POLA1: variants seen among roughly 807,000 people sequenced by gnomAD.
The protein encoded by POLA1 is DNA polymerase alpha 1, catalytic subunit, also known as DNA polymerase alpha catalytic subunit.
Under a neutral mutation model 124.0 loss-of-function variants are expected in POLA1, and 15 were observed. That is an observed-to-expected ratio of 0.12 (90% CI 0.08 to 0.19). POLA1 has a LOEUF of 0.19. Among genes scored for constraint, POLA1 ranks in the 10% least tolerant of loss-of-function variants. The pLI is 1.00. For missense variants in POLA1, 886 were observed against 1,103.4 expected, an observed-to-expected ratio of 0.80 and a Z score of 2.79; for synonymous variants, 408 against 389.4, an observed-to-expected ratio of 1.05 and a Z score of -0.56.
intron 2 of POLA1, 42 bp from the exon 3 acceptor site, chrX:24,703,209 C>G: frequency 1.0e-6 from 1 of 962,096 alleles, no homozygotes; most frequent in Non-Finnish European, 1.5e-6. Flanking sequence ...CACTTTGACT[C>G]CTCTATTTGA....
At chrX:24,725,748 C>T (rs1400166906) in intron 12 of POLA1, among the ~76,000 whole-genome samples, 1 of 111,482 alleles carries the variant, frequency 9.0e-6, no homozygotes, top group Non-Finnish European at 1.9e-5. Context: ...TTTTATTGCC[C>T]CTCTTGCATG....
rs1171945349 is a variant in POLA1, at chrX:24,748,315, G to A, written c.2696G>A (p.Gly899Glu). ...AATTTGTTGTGTGTTTATCAGGATG[G>A]AGAACAAGAACAGATCCCTGAGTTG... ...ASEAQKVTED[G>E]EQEQIPELPD... The change falls in exon 25 of 37, where the codon GGA (glycine) becomes GAA (glutamate). Residue 899 changes from glycine (G) to glutamate (E), a missense_variant. Physicochemically the swap from Gly to Glu is moderately conservative, Grantham distance 98. This residue lies in a region of POLA1 where 182 missense variants were observed against 252.8 expected (regional missense o/e 0.72). Coordinates refer to ENST00000379068, the MANE Select transcript of POLA1 (RefSeq NM_001330360.2). 8.5e-7 allele frequency: 1 copy of A among 1,183,022 alleles called. No homozygotes were observed. The highest frequency in any genetic ancestry group is 3.0e-5 in the East Asian group (1 of 33,398).
chrX:24,763,807 G>A (rs747066418), intron 26 of POLA1, among the ~76,000 whole-genome samples: 14 of 111,691 alleles, frequency 1.3e-4, no homozygotes, highest in Non-Finnish European at 2.6e-4. Context: ...ACTTTAGTTG[G>A]TGCTGTTTGA....
chrX:24,935,508 A>G (rs1327169473), intron 36 of POLA1, among the ~76,000 whole-genome samples: 1 of 113,001 alleles, frequency 8.8e-6, no homozygotes, highest in Non-Finnish European at 1.9e-5. Context: ...TTTCTCACAA[A>G]GTGCTATGGG....
chrX:24,829,640 C>A (rs2046230960), intron 32 of POLA1, among the ~76,000 whole-genome samples: 1 of 112,135 alleles, frequency 8.9e-6, no homozygotes, highest in African/African-American at 3.2e-5. Context: ...AATTTCTTAT[C>A]TGCACCCTTT....
At chrX:24,796,191 C>T (rs1396849480) in intron 26 of POLA1, among the ~76,000 whole-genome samples, 3 of 111,202 alleles carry the variant, frequency 2.7e-5, no homozygotes, top group African/African-American at 9.8e-5. Flanking sequence ...TTGAGCCCAT[C>T]AACATGGCCT....
intron 36 of POLA1, among the ~76,000 whole-genome samples, chrX:24,951,067 A>G (rs1275337902): frequency 2.7e-5 from 3 of 111,431 alleles, no homozygotes; most frequent in African/African-American, 6.5e-5. Context: ...GGCTTCATCT[A>G]CATTTGGTCA....
At chrX:24,845,008 A>G (rs916973398) in intron 34 of POLA1, among the ~76,000 whole-genome samples, 15 of 111,984 alleles carry the variant, frequency 1.3e-4, no homozygotes, top group African/African-American at 4.5e-4. Flanking sequence ...TGTTAATACT[A>G]GAAGAAACTT....
intron 36 of POLA1, among the ~76,000 whole-genome samples, chrX:24,939,247 G>A (rs367835538): frequency 1.9e-4 from 21 of 112,019 alleles, no homozygotes; most frequent in East Asian, 1.7e-3. Flanking sequence ...AGATTGATAA[G>A]TTTTTTTATG....
At chrX:24,917,423 A>G (rs1010993682) in intron 35 of POLA1, among the ~76,000 whole-genome samples, 1 of 112,186 alleles carries the variant, frequency 8.9e-6, no homozygotes, top group Non-Finnish European at 1.9e-5. Flanking sequence ...GTGTGTTAAT[A>G]CCCTTTCTTT....
intron 26 of POLA1, among the ~76,000 whole-genome samples, chrX:24,775,677 A>T (rs1215498519): frequency 2.7e-5 from 3 of 111,886 alleles, no homozygotes; most frequent in African/African-American, 9.7e-5. Context: ...CAATAGGAGG[A>T]TTGTACATAG....
At chrX:24,983,282 C>T (rs768029123) in intron 36 of POLA1, among the ~76,000 whole-genome samples, 22 of 111,928 alleles carry the variant, frequency 2.0e-4, no homozygotes, top group Admixed American at 5.7e-4. Context: ...TCTATGGGTA[C>T]ATCGAATTGT....
At chrX:24,918,281 A>G (rs1381473966) in intron 35 of POLA1, among the ~76,000 whole-genome samples, 1 of 110,789 alleles carries the variant, frequency 9.0e-6, no homozygotes, top group Non-Finnish European at 1.9e-5. Flanking sequence ...TGTTATGTAT[A>G]TGAATCTATG....
intron 30 of POLA1, among the ~76,000 whole-genome samples, chrX:24,817,004 AAC>A (rs1460775466): frequency 1.8e-5 from 2 of 112,037 alleles, no homozygotes; most frequent in East Asian, 5.6e-4. Flanking sequence ...AATAATTATC[AAC>A]TTATAGTGAC....
chrX:24,749,797 A>G (rs1346315988), intron 26 of POLA1, among the ~76,000 whole-genome samples: 1 of 112,558 alleles, frequency 8.9e-6, no homozygotes, highest in Non-Finnish European at 1.9e-5. Flanking sequence ...GATGGGCCAG[A>G]TACCAAATAG....
chrX:24,989,569 G>A (rs999458351), intron 36 of POLA1, among the ~76,000 whole-genome samples: 5 of 110,916 alleles, frequency 4.5e-5, no homozygotes, highest in African/African-American at 6.6e-5. Flanking sequence ...ACAGGCATGC[G>A]CCACCATTCC....
At chrX:24,977,907 T>G (rs1569383874) in intron 36 of POLA1, among the ~76,000 whole-genome samples, 1 of 111,046 alleles carries the variant, frequency 9.0e-6, no homozygotes, top group African/African-American at 3.3e-5. Flanking sequence ...GGTGGGGGTT[T>G]GGGGTCTCTG....
chrX:24,962,788 T>C (rs1335109056), intron 36 of POLA1, among the ~76,000 whole-genome samples: 1 of 112,049 alleles, frequency 8.9e-6, no homozygotes, highest in Non-Finnish European at 1.9e-5. Flanking sequence ...TGTGGGCTGG[T>C]TATCTATTCA....
At chrX:24,710,105 G>A (rs1412871723) in intron 4 of POLA1, among the ~76,000 whole-genome samples, 90 of 86,843 alleles carry the variant, frequency 1.0e-3, no homozygotes, top group African/African-American at 3.6e-3. Flanking sequence ...CCCGGGCGGC[G>A]CTCGCCGGCG....
Sources: gnomAD v4.1 joint callset for allele counts (sites outside exome capture counted in the v4.1 genomes callset) on GRCh38, gnomAD v4.1.1 for gene constraint, gnomAD v4.1.1 regional missense constraint, MANE v1.5 for transcripts, NCBI Gene and HGNC (gene_info 2026-07-23, HGNC 2026-07-21) for gene names.